Variants in RBM19 observed in about 807,000 individuals in gnomAD.
The protein encoded by RBM19 is RNA binding motif protein 19.
RBM19 carries 94 observed loss-of-function variants against 116.8 expected under a neutral mutation model. The observed-to-expected ratio is 0.80, with a 90% CI of 0.68 to 0.95. The LOEUF is 0.95. Ranked by LOEUF, RBM19 falls within the 40% of genes least tolerant of loss-of-function variation. The pLI is 0.00. For missense variants in RBM19, 1,161 were observed against 1,220.7 expected (o/e 0.95, Z 0.73); for synonymous variants, 475 against 494.1 (o/e 0.96, Z 0.51).
At chr12:113,962,042 G>T (rs932496788) in intron 2 of RBM19, among the ~76,000 whole-genome samples, 190 bp downstream of exon 2, 1 of 152,236 alleles carries the variant, frequency 6.6e-6, no homozygotes, top group African/African-American at 2.4e-5. Flanking sequence ...CTCTGGGGAC[G>T]GGCCCAGGAA....
At chr12:113,911,543 C>G (rs1193265842) in intron 21 of RBM19, among the ~76,000 whole-genome samples, 1 of 152,196 alleles carries the variant, frequency 6.6e-6, no homozygotes, top group Non-Finnish European at 1.5e-5. Flanking sequence ...TTGAACACCA[C>G]AGTCAACATT....
chr12:113,864,529 T>C (rs1878662013), intron 21 of RBM19, among the ~76,000 whole-genome samples: 1 of 152,058 alleles, frequency 6.6e-6, no homozygotes, highest in Non-Finnish European at 1.5e-5. Flanking sequence ...GAGCAAGAAA[T>C]ATGGTAAGAT....
chr12:113,936,994 A>G lies in RBM19; in HGVS notation c.2068+13T>C. On this transcript the variant is annotated intron_variant, in intron 16 of 23. Transcript: ENST00000261741. ...GGATCCCAAGCCATCCTGGTCTCAG[A>G]CTCAGCTCTTACCTGTTTCTGGCTC... The G allele has an allele frequency of 6.2e-7, 1 of 1,612,726 alleles. No individual in the cohort carries two copies. The highest frequency in any genetic ancestry group is 2.2e-5 in the East Asian group (1 of 44,832).
Position 113,962,334 on chromosome 12 carries a change from G to C in RBM19, c.117C>G (p.Gly39=). ...CAATAAAACCAAACTTGCGGAACTTGCCATCTTTGGTGAACTTCAGGCTGC... is the reference window on the plus strand; with the variant it reads ...CAATAAAACCAAACTTGCGGAACTTCCCATCTTTGGTGAACTTCAGGCTGC... ...TDCSLKFTKD[G]KFRKFGFIGF... Residue 39 remains glycine, a synonymous_variant, in exon 2 of 24, where the codon GGC becomes GGG. Transcript: ENST00000261741. The C allele has an allele frequency of 6.2e-7, 1 of 1,614,244 alleles. No homozygotes were observed. The highest frequency in any genetic ancestry group is 8.5e-7 in the Non-Finnish European group (1 of 1,180,038).
intron 23 of RBM19, among the ~76,000 whole-genome samples, chr12:113,831,368 GC>G (rs1474685620): frequency 6.6e-6 from 1 of 152,052 alleles, no homozygotes; most frequent in Admixed American, 6.6e-5. Context: ...TCCAGGCTGG[GC>G]CAGCCTACAG....
chr12:113,915,185 G>T, intron 20 of RBM19, 100 bp from the exon 21 acceptor site: 1 of 1,013,666 alleles, frequency 9.9e-7, no homozygotes. Context: ...TCAGGTGATG[G>T]ATTCAAGGAG....
intron 10 of RBM19, 45 bp downstream of exon 10, chr12:113,948,788 C>T: frequency 6.3e-7 from 1 of 1,594,476 alleles, no homozygotes; most frequent in Non-Finnish European, 8.6e-7. Flanking sequence ...GAGCCCGGCT[C>T]CCATAGCCGC....
intron 21 of RBM19, among the ~76,000 whole-genome samples, chr12:113,874,447 A>G (rs1879516188): frequency 6.6e-6 from 1 of 152,182 alleles, no homozygotes; most frequent in Admixed American, 6.5e-5. Context: ...GCCTCCCTTT[A>G]GGCCCAGAGC....
intron 23 of RBM19, among the ~76,000 whole-genome samples, chr12:113,828,159 C>T (rs1000915166): frequency 6.6e-6 from 1 of 150,470 alleles, no homozygotes. Flanking sequence ...CCACTGTGGG[C>T]CCACAGAAGA....
chr12:113,827,424 C>T (rs1024073998), intron 23 of RBM19, among the ~76,000 whole-genome samples: 1 of 150,080 alleles, frequency 6.7e-6, no homozygotes, highest in African/African-American at 2.5e-5. Context: ...GACAGAATGC[C>T]AGCCTGTGTC....
At chr12:113,872,367 G>A (rs1222254023) in intron 21 of RBM19, among the ~76,000 whole-genome samples, 4 of 150,178 alleles carry the variant, frequency 2.7e-5, no homozygotes, top group Admixed American at 1.3e-4. Flanking sequence ...CTCTCTGCCC[G>A]GCAGCCACCC....
Position 113,926,991 on chromosome 12 carries a change from CG to C in RBM19, c.2244+62del, listed in dbSNP as rs1281511343. ...TTCAGGGCAGAATAAATGCAGTGGCCGTATCAGTAGACTGGGGTTTCCCATC... is the reference window on the plus strand; with the variant it reads ...TTCAGGGCAGAATAAATGCAGTGGCCTATCAGTAGACTGGGGTTTCCCATC... On this transcript the variant is annotated intron_variant, in intron 17 of 23. Transcript: ENST00000261741. 4 of 1,516,466 alleles carry C rather than the reference CG, an allele frequency of 2.6e-6. No homozygotes were observed. The African/African-American group carries it at 5.6e-5, about 21-fold the overall frequency. 93.9% of individuals were successfully genotyped at this position (1,516,466 alleles called of 1,614,324 possible).
At chr12:113,940,281 C>T in intron 14 of RBM19, 121 bp from the exon 15 acceptor site, 1 of 1,037,214 alleles carries the variant, frequency 9.6e-7, no homozygotes. Context: ...AGCAACCAGG[C>T]ACTTAGGAGG....
chr12:113,932,236 C>T (rs1002399661), intron 16 of RBM19, among the ~76,000 whole-genome samples: 2 of 152,208 alleles, frequency 1.3e-5, no homozygotes, highest in African/African-American at 4.8e-5. Flanking sequence ...TAAAAAGGGG[C>T]TGGCCATCAT....
intron 22 of RBM19, 124 bp from the exon 23 acceptor site, chr12:113,844,912 C>G (rs1373860827): frequency 1.5e-6 from 2 of 1,349,394 alleles, no homozygotes; most frequent in Admixed American, 2.8e-5. Flanking sequence ...CCCGTGACAT[C>G]TGATCTCCAG....
rs551732432 is a variant in RBM19 at position 113,932,979 on chromosome 12, C to G, written c.2068+4028G>C. ...TATAATCAGGCCACAGAATTTACTG[C>G]GGCCTCCTCCCCTTTCCCGGCTCTC... On this transcript the variant is annotated intron_variant, in intron 16 of 23. Transcript: ENST00000261741. Among the ~76,000 whole-genome samples, 2 of 152,104 alleles carry G rather than the reference C, an allele frequency of 1.3e-5. 1 individual carries two copies. Among genetic ancestry groups the G allele is most frequent in the Non-Finnish European group, 2.9e-5 (2 of 68,014 alleles).
At chr12:113,965,290 A>AC (rs202169330) in intron 1 of RBM19, among the ~76,000 whole-genome samples, 6,213 of 150,462 alleles carry the variant, frequency 0.041, 326 homozygotes, top group Admixed American at 0.15. Context: ...TAAAAAAAAA[A>AC]AACAAAAAAA....
intron 10 of RBM19, among the ~76,000 whole-genome samples, chr12:113,948,256 G>A (rs947688721): frequency 1.3e-5 from 2 of 152,138 alleles, no homozygotes; most frequent in African/African-American, 4.8e-5. Context: ...CTCCCTTCCT[G>A]CCCTTCAACA....
intron 15 of RBM19, among the ~76,000 whole-genome samples, chr12:113,938,625 G>A (rs1343193693): frequency 1.3e-5 from 2 of 152,218 alleles, no homozygotes; most frequent in African/African-American, 2.4e-5. Flanking sequence ...TTGGAAAAAG[G>A]ATCTTTGCAA....
Sources: gnomAD v4.1 joint callset for allele counts (sites outside exome capture counted in the v4.1 genomes callset) on GRCh38, gnomAD v4.1.1 for gene constraint, MANE v1.5 for transcripts, NCBI Gene and HGNC (gene_info 2026-07-23, HGNC 2026-07-21) for gene names.